Variants in DHX34 observed in about 807,000 individuals in gnomAD.
DHX34 encodes the protein probable ATP-dependent RNA helicase DHX34.
A neutral mutation model predicts 111.1 loss-of-function variants in DHX34; 96 were observed. The ratio of observed to expected loss-of-function variants is 0.86; its 90% confidence interval spans 0.73 to 1.02. DHX34 has a LOEUF of 1.02. DHX34 is among the 50% of genes least tolerant of loss of function. The probability of loss-of-function intolerance (pLI) is 0.00; values close to 1 mark genes in which losing one functional copy is unlikely to be tolerated. For synonymous variants in DHX34, 688 were observed against 670.4 expected (o/e 1.03, Z -0.41); for missense variants, 1,560 against 1,579.9 (o/e 0.99, Z 0.21).
At chr19:47,361,136 C>G (rs959572555) in intron 5 of DHX34, among the ~76,000 whole-genome samples, 1 of 152,076 alleles carries the variant, frequency 6.6e-6, no homozygotes, top group Non-Finnish European at 1.5e-5. Flanking sequence ...CTTCATGTAT[C>G]GGTTGGCTCA....
At chr19:47,351,171 CTTT>C (rs955543104) in intron 1 of DHX34, among the ~76,000 whole-genome samples, 1 of 93,078 alleles carries the variant, frequency 1.1e-5, no homozygotes. Flanking sequence ...TTTTCTTTTT[CTTT>C]TTTTTTTTTT....
At chr19:47,376,648 C>A in intron 12 of DHX34, 88 bp downstream of exon 12, 1 of 1,498,388 alleles carries the variant, frequency 6.7e-7, no homozygotes, top group Non-Finnish European at 8.9e-7. Context: ...GGCTGGGGCT[C>A]CCACACCGGC....
In DHX34 at chr19:47,380,828, C is replaced by T. The variant is rs758837187; in HGVS notation, c.2995C>T (p.Leu999Phe). The T allele has an allele frequency of 1.4e-5, 22 of 1,613,838 alleles. No individual in the cohort carries two copies. The South Asian group carries it at 2.1e-4, about 15-fold the overall frequency. ...QFTASKIPYS[L>F]RRLTGLEVQN... Reference sequence around the variant, plus strand: ...TCTCCTTCCTTAGATTCCTTACAGCCTCCGGCGGCTCACAGGGCTAGAAGT... The same window carrying T: ...TCTCCTTCCTTAGATTCCTTACAGCTTCCGGCGGCTCACAGGGCTAGAAGT... The change falls in exon 15 of 17, where the codon CTC becomes TTC. Residue 999 changes from leucine to phenylalanine, a missense_variant. Leu to Phe is a conservative substitution (Grantham distance 22). Coordinates refer to ENST00000328771, the MANE Select transcript of DHX34 (RefSeq NM_014681.6).
rs755514451 is a variant in DHX34 at position 47,376,424 on chromosome 19, TTCTC to T, written c.2482-15_2482-12del. On this transcript the variant is annotated splice_polypyrimidine_tract_variant and intron_variant, in intron 11 of 16. Transcript: ENST00000328771. ...GAGAGCAGATAGGAGGGCTTGTGCT[TTCTC>T]TCTGTCCTCCGCAGATTTTCCACAC... The T allele has an allele frequency of 3.1e-6, 5 of 1,607,114 alleles. No individual in the cohort carries two copies. The highest frequency in any genetic ancestry group is 4.2e-6 in the Non-Finnish European group (5 of 1,177,430).
In DHX34 at chr19:47,382,509, T is replaced by G; in HGVS notation, c.*396T>G. The stretch of plus-strand genomic sequence containing the variant: ...TCCATCCTCAGTCTCTCCTACCCCT[T>G]GAAGTAGGGGGACCCTGAATTTGCC... On this transcript the variant is annotated 3_prime_UTR_variant, in exon 17 of 17. Coordinates refer to ENST00000328771, the MANE Select transcript of DHX34 (RefSeq NM_014681.6). 1 of 179,854 alleles carries G rather than the reference T, an allele frequency of 5.6e-6. No individual in the cohort carries two copies. The highest frequency in any genetic ancestry group is 1.1e-4 in the South Asian group (1 of 8,994). 11.1% of individuals were successfully genotyped at this position (179,854 alleles called of 1,614,324 possible).
At chr19:47,380,646 T>C in intron 14 of DHX34, 170 bp from the exon 15 acceptor site, 1 of 985,322 alleles carries the variant, frequency 1.0e-6, no homozygotes, top group Non-Finnish European at 1.2e-6. Context: ...AGGTATATTC[T>C]AGACAGACCC....
chr19:47,363,243 C>A (rs527314302), intron 6 of DHX34, among the ~76,000 whole-genome samples: 4 of 151,938 alleles, frequency 2.6e-5, no homozygotes, highest in Admixed American at 2.6e-4. Context: ...CATGAGCCAC[C>A]GCGCCCGGCC....
chr19:47,350,702 G>A (rs984963097), intron 1 of DHX34, among the ~76,000 whole-genome samples: 12 of 152,068 alleles, frequency 7.9e-5, no homozygotes, highest in African/African-American at 2.7e-4. Context: ...TTATAGGCGT[G>A]AGCCACCATG....
At chr19:47,375,827 T>G in intron 10 of DHX34, 97 bp from the exon 11 acceptor site, 2 of 1,544,228 alleles carry the variant, frequency 1.3e-6, no homozygotes. Flanking sequence ...CCATGGACGG[T>G]GCTTGGTCCC....
At chr19:47,350,943 G>C (rs1969266057) in intron 1 of DHX34, among the ~76,000 whole-genome samples, 1 of 151,952 alleles carries the variant, frequency 6.6e-6, no homozygotes, top group Non-Finnish European at 1.5e-5. Flanking sequence ...AGTGGAGAGA[G>C]ATGGAGGGGA....
intron 9 of DHX34, 34 bp from the exon 10 acceptor site, chr19:47,375,432 C>A: frequency 1.3e-6 from 2 of 1,553,448 alleles, no homozygotes; most frequent in African/African-American, 1.4e-5. Flanking sequence ...CTGAGTCTGC[C>A]CTGAGGCCCT....
At chr19:47,357,788 C>T (rs2122231781) in intron 3 of DHX34, 78 bp from the exon 4 acceptor site, 10 of 1,520,600 alleles carry the variant, frequency 6.6e-6, no homozygotes, top group South Asian at 5.1e-5. Flanking sequence ...TCTCCCCCGT[C>T]AGCCTGCAGC....
intron 4 of DHX34, 69 bp downstream of exon 4, chr19:47,358,189 T>A: frequency 6.5e-7 from 1 of 1,544,966 alleles, no homozygotes; most frequent in Non-Finnish European, 8.8e-7. Context: ...CGCACAGGAC[T>A]TGTGTAACTC....
chr19:47,380,548 G>A (rs1019213617), intron 14 of DHX34: 21 of 877,014 alleles, frequency 2.4e-5, no homozygotes, highest in Non-Finnish European at 2.9e-5. Flanking sequence ...AGACTTGAAG[G>A]TTAGACTCAA....
intron 4 of DHX34, among the ~76,000 whole-genome samples, chr19:47,359,174 G>C (rs1001373655): frequency 2.0e-5 from 3 of 152,168 alleles, no homozygotes; most frequent in Non-Finnish European, 2.9e-5. Flanking sequence ...TTCAAGAAAA[G>C]TTCCAGATGG....
At position 47,362,342 on chromosome 19, in the gene DHX34, A is replaced by G. The variant is rs547861516; in HGVS notation, c.1376-134A>G. 6.3e-6 allele frequency: 8 copies of G among 1,279,536 alleles called. No individual in the cohort carries two copies. The African/African-American group carries it at 1.3e-4, about 20-fold the overall frequency. The allele number at this position is 1,279,536 out of a possible 1,614,324, so 79.3% of individuals were successfully genotyped here. ...TGAACAAAATGTCAGAGTTGGGCCC[A>G]GAATAAGCCCTCAGTTAGCATTAAC... is the stretch of plus-strand genomic sequence containing the variant. On this transcript the variant is annotated intron_variant, in intron 5 of 16. Coordinates refer to ENST00000328771, the MANE Select transcript of DHX34 (RefSeq NM_014681.6).
intron 13 of DHX34, among the ~76,000 whole-genome samples, chr19:47,378,145 G>A (rs1263415653): frequency 1.3e-5 from 2 of 152,166 alleles, no homozygotes; most frequent in Non-Finnish European, 1.5e-5. Context: ...CCCAGGGAAC[G>A]TGGAGGGGAG....
chr19:47,361,908 G>A (rs944037069), intron 5 of DHX34, among the ~76,000 whole-genome samples: 1 of 152,210 alleles, frequency 6.6e-6, no homozygotes, highest in Non-Finnish European at 1.5e-5. Flanking sequence ...GCAGTGCCTG[G>A]TATATAGTAG....
In DHX34 at chr19:47,370,372, G is replaced by A. The variant is rs530847202; in HGVS notation, c.1769-2358G>A. 3.3e-5 allele frequency among the ~76,000 whole-genome samples: 5 copies of A among 152,174 alleles called. No homozygotes were observed. In the East Asian group the frequency reaches 9.7e-4, roughly 29 times the overall value. On this transcript the variant is annotated intron_variant, in intron 7 of 16. Coordinates refer to ENST00000328771, the MANE Select transcript of DHX34 (RefSeq NM_014681.6). Reference sequence around the variant, plus strand: ...CACAGCGTGTCCCCAGCTCTGCCCCGCACCCCTCTCTTGCGGGCTCAAGGA... The same window carrying A: ...CACAGCGTGTCCCCAGCTCTGCCCCACACCCCTCTCTTGCGGGCTCAAGGA...
Sources: allele counts gnomAD v4.1 joint callset (sites outside exome capture counted in the v4.1 genomes callset), GRCh38; gene constraint gnomAD v4.1.1; transcripts MANE v1.5; gene names NCBI Gene and HGNC (gene_info 2026-07-23, HGNC 2026-07-21).